Variants in ZNF572 observed in about 807,000 individuals in gnomAD.
The protein encoded by ZNF572 is zinc finger protein 572.
Under a neutral mutation model 3.8 loss-of-function variants are expected in ZNF572, and 2 were observed. The ratio of observed to expected loss-of-function variants is 0.52; its 90% CI spans 0.21 to 1.65. The LOEUF (loss-of-function observed/expected upper bound fraction) is 1.65, where lower values mean the gene tolerates loss of function less well. Ranked by LOEUF, ZNF572 falls within the 40% of genes most tolerant of loss-of-function variation. The probability of loss-of-function intolerance (pLI) is 0.20; values close to 1 mark genes in which losing one functional copy is unlikely to be tolerated. For missense variants in ZNF572, 581 were observed against 633.4 expected (o/e 0.92, Z 0.89); for synonymous variants, 187 against 204.5 (o/e 0.91, Z 0.73).
At position 124,977,316 on chromosome 8, in the gene ZNF572, C is replaced by T. The variant is rs374083749; in HGVS notation, c.1048C>T (p.His350Tyr). The T allele has an allele frequency of 1.2e-6, 2 of 1,614,156 alleles. No homozygotes were observed. Among genetic ancestry groups the T allele is most frequent in the Admixed American group, 3.3e-5 (2 of 60,020 alleles). ...AAACCTTATTACACACCAGAAAATG[C>T]ACACAGGAGAGAAATCCTATGAAAG... ...SSNLITHQKM[H>Y]TGEKSYESSE... is the part of the protein sequence containing the mutation. The change falls in exon 3 of 3, where the codon CAC becomes TAC. Residue 350 changes from histidine to tyrosine, a missense_variant. His to Tyr is a moderately conservative substitution (Grantham distance 83). Coordinates refer to ENST00000319286, the MANE Select transcript of ZNF572 (RefSeq NM_152412.3).
chr8:124,976,737 G>T lies in ZNF572; in HGVS notation c.469G>T (p.Glu157Ter), dbSNP rs1217950903. 6.2e-7 allele frequency: 1 copy of T among 1,614,090 alleles called. No homozygotes were observed. Among genetic ancestry groups the T allele is most frequent in the African/African-American group, 1.3e-5 (1 of 74,950 alleles). The change falls in exon 3 of 3, where the codon GAA becomes TAA. Residue 157 changes from glutamate (E) to a stop codon, truncating the protein, a stop_gained. Transcript: ENST00000319286. LOFTEE classifies it low-confidence loss of function (END_TRUNC). The part of the protein sequence containing the change: ...LRTHQRTHSG[E>*]KPYKCSECAK... ...TACTCACCAGAGGACCCACTCAGGA[G>T]AAAAGCCTTATAAATGCTCTGAGTG...
intron 1 of ZNF572, among the ~76,000 whole-genome samples, chr8:124,973,863 G>A (rs1814469546): frequency 6.6e-6 from 1 of 152,184 alleles, no homozygotes; most frequent in Admixed American, 6.5e-5. Flanking sequence ...CTCCTTTGCT[G>A]CCAAATTTAA....
Position 124,977,462 on chromosome 8 carries a change from T to C in ZNF572, c.1194T>C (p.His398=), listed in dbSNP as rs1814524296. 2 of 1,614,010 alleles carry C rather than the reference T, an allele frequency of 1.2e-6. No homozygotes were observed. Among genetic ancestry groups the C allele is most frequent in the Non-Finnish European group, 1.7e-6 (2 of 1,180,026 alleles). ...GGAAGAGTTTTGGCCTTAGCTCCCA[T>C]CTCATTAGACATCAGAGAACACATA... ...ECGKSFGLSS[H]LIRHQRTHTG... is the part of the protein sequence containing the mutation. Residue 398 remains histidine, a synonymous_variant, in exon 3 of 3, where the codon CAT becomes CAC. Transcript: ENST00000319286.
In ZNF572 at chr8:124,976,467, G is replaced by A. The variant is rs1814507212; in HGVS notation, c.199G>A (p.Asp67Asn). 1 of 1,614,134 alleles carries A rather than the reference G, an allele frequency of 6.2e-7. No homozygotes were observed. Among genetic ancestry groups the A allele is most frequent in the Non-Finnish European group, 8.5e-7 (1 of 1,180,008 alleles). ...TAGACCACAACATTATAAGCATGAGGATGCAAAAGAAATGCCACTGACATG... is the reference window on the plus strand; with the variant it reads ...TAGACCACAACATTATAAGCATGAGAATGCAAAAGAAATGCCACTGACATG... ...RHRPQHYKHE[D>N]AKEMPLTWVQ... is the part of the protein sequence containing the mutation. Residue 67 changes from aspartate (D) to asparagine (N), a missense_variant, in exon 3 of 3, where the codon GAT (aspartate) becomes AAT (asparagine). Physicochemically the swap from Asp to Asn is conservative, Grantham distance 23. Coordinates refer to ENST00000319286, the MANE Select transcript of ZNF572 (RefSeq NM_152412.3).
In ZNF572 at chr8:124,976,625, C is replaced by A. The variant is rs1287616068; in HGVS notation, c.357C>A (p.Ala119=). Residue 119 remains alanine (A), a synonymous_variant, in exon 3 of 3, where the codon GCC becomes GCA. Transcript: ENST00000319286. ...QEWDSGEHTN[A]CVQQNSSFVD... Reference sequence around the variant, plus strand: ...GGGACTCAGGAGAACATACCAATGCCTGTGTCCAGCAGAATTCATCCTTTG... The same window carrying A: ...GGGACTCAGGAGAACATACCAATGCATGTGTCCAGCAGAATTCATCCTTTG... 1 of 1,614,040 alleles carries A rather than the reference C, an allele frequency of 6.2e-7. No individual in the cohort carries two copies. The highest frequency in any genetic ancestry group is 1.3e-5 in the African/African-American group (1 of 74,908).
chr8:124,977,763 G>A lies in ZNF572; in HGVS notation c.1495G>A (p.Asp499Asn), dbSNP rs1357832629. The change falls in exon 3 of 3, where the codon GAC becomes AAC. Residue 499 changes from aspartate (D) to asparagine (N), a missense_variant. By Grantham distance (23) the Asp-to-Asn change is conservative. Coordinates refer to ENST00000319286, the MANE Select transcript of ZNF572 (RefSeq NM_152412.3). ...IHVEKPFESP[D>N]VGDFPHEWTW... ...CGTAGAAAAGCCTTTTGAGTCTCCC[G>A]ACGTTGGGGATTTTCCTCATGAATG... 11 of 1,614,152 alleles carry A rather than the reference G, an allele frequency of 6.8e-6. No homozygotes were observed. The highest frequency in any genetic ancestry group is 1.6e-4 in the Middle Eastern group (1 of 6,062).
At position 124,975,961 on chromosome 8, in the gene ZNF572, T is replaced by A. The variant is rs572193147; in HGVS notation, c.79+242T>A. On this transcript the variant is annotated intron_variant, in intron 2 of 2. Transcript: ENST00000319286. ...CTTAATAAATAGTGGCTATTGTTATTTCTATAGCATTTGCTCAGATTTTAG... is the reference window on the plus strand; with the variant it reads ...CTTAATAAATAGTGGCTATTGTTATATCTATAGCATTTGCTCAGATTTTAG... Among the ~76,000 whole-genome samples the A allele has an allele frequency of 3.3e-5, 5 of 152,376 alleles. No homozygotes were observed. In the East Asian group the frequency reaches 9.6e-4, roughly 29 times the overall value.
chr8:124,977,041 T>C lies in ZNF572; in HGVS notation c.773T>C (p.Val258Ala), dbSNP rs1814517245. 6.2e-7 allele frequency: 1 copy of C among 1,613,222 alleles called. No individual in the cohort carries two copies. The highest frequency in any genetic ancestry group is 1.7e-5 in the Admixed American group (1 of 59,988). ...GGAAAAGGCTTCAGTCACAGCTATG[T>C]CCTAATAGAACATCAGAGGACTCAC... ...VCGKGFSHSY[V>A]LIEHQRTHTG... is the part of the protein sequence containing the mutation. The change falls in exon 3 of 3, where the codon GTC (valine) becomes GCC (alanine). Residue 258 changes from valine to alanine, a missense_variant. By Grantham distance (64) the Val-to-Ala change is moderately conservative. Coordinates refer to ENST00000319286, the MANE Select transcript of ZNF572 (RefSeq NM_152412.3).
intron 1 of ZNF572, among the ~76,000 whole-genome samples, chr8:124,975,159 C>G (rs923836969): frequency 6.6e-6 from 1 of 152,152 alleles, no homozygotes; most frequent in Non-Finnish European, 1.5e-5. Context: ...AGGTTTCCTT[C>G]TGTCAAGACC....
chr8:124,976,769 A>G lies in ZNF572; in HGVS notation c.501A>G (p.Lys167=), dbSNP rs148492407. 24 of 1,614,064 alleles carry G rather than the reference A, an allele frequency of 1.5e-5. No individual in the cohort carries two copies. The African/African-American group carries it at 3.2e-4, about 22-fold the overall frequency. ...EKPYKCSECA[K]CFCNSSHLIQ... ...CTTATAAATGCTCTGAGTGTGCAAA[A>G]TGTTTTTGTAACAGTTCTCACCTGA... The change falls in exon 3 of 3, where the codon AAA becomes AAG. Residue 167 remains lysine, a synonymous_variant. Transcript: ENST00000319286.
rs529201328 is a variant in ZNF572, at chr8:124,979,160, T to A, written c.*1302T>A. 1.3e-5 allele frequency: 2 copies of A among 152,728 alleles called. No homozygotes were observed. The highest frequency in any genetic ancestry group is 4.1e-4 in the South Asian group (2 of 4,826). 9.5% of individuals were successfully genotyped at this position (152,728 alleles called of 1,614,324 possible). A position where few individuals can be genotyped will look rare whatever the true frequency, so the allele number is the denominator to read the frequency against. On this transcript the variant is annotated 3_prime_UTR_variant, in exon 3 of 3. Transcript: ENST00000319286. ...TGAGTTGCCCATGATTTCATCTAAT[T>A]TTTGGATTCAGAATGTATTTTATGA...
At position 124,977,595 on chromosome 8, in the gene ZNF572, C is replaced by T. The variant is rs867462791; in HGVS notation, c.1327C>T (p.Pro443Ser). The T allele has an allele frequency of 6.2e-7, 1 of 1,614,182 alleles. No individual in the cohort carries two copies. Among genetic ancestry groups the T allele is most frequent in the South Asian group, 1.1e-5 (1 of 91,080 alleles). ...THTGEKPYKC[P>S]DCGESFSQSF... ...TACAGGAGAGAAACCTTATAAATGT[C>T]CTGATTGTGGTGAAAGCTTCAGTCA... is the stretch of plus-strand genomic sequence containing the variant. The change falls in exon 3 of 3, where the codon CCT (proline) becomes TCT (serine). Residue 443 changes from proline to serine, a missense_variant. Physicochemically the swap from Pro to Ser is moderately conservative, Grantham distance 74. Transcript: ENST00000319286.
chr8:124,975,691 G>A lies in ZNF572; in HGVS notation c.51G>A (p.Glu17=). ...TCTCAGATTCTAACAGCTTTATGGA[G>A]AGGGAGAGTTTGAAAAGCCCTTTCA... is the stretch of plus-strand genomic sequence containing the variant. ...LLVSDSNSFM[E]RESLKSPFTG... The change falls in exon 2 of 3, where the codon GAG becomes GAA. Residue 17 remains glutamate, a synonymous_variant. Transcript: ENST00000319286. 6.2e-7 allele frequency: 1 copy of A among 1,613,976 alleles called. No homozygotes were observed. Among genetic ancestry groups the A allele is most frequent in the Non-Finnish European group, 8.5e-7 (1 of 1,179,914 alleles).
chr8:124,975,130 C>G (rs557902785), intron 1 of ZNF572, among the ~76,000 whole-genome samples: 13 of 152,280 alleles, frequency 8.5e-5, no homozygotes, highest in African/African-American at 3.1e-4. Flanking sequence ...TCCTAACTTT[C>G]CTTTGAAATT....
rs10104558 is a variant in ZNF572, at chr8:124,977,218, A to C, written c.950A>C (p.Lys317Thr). 49,710 of 1,612,586 alleles carry C rather than the reference A, an allele frequency of 0.031. 853 individuals are homozygous for C. The highest frequency in any genetic ancestry group is 0.05 in the Middle Eastern group (306 of 6,060). ...KSFGCNSTLI[K>T]HQRIHTGEKP... ...TTTGGTTGTAATTCTACTCTAATAA[A>C]ACATCAGAGAATACATACAGGAGAA... Residue 317 changes from lysine (K) to threonine (T), a missense_variant, in exon 3 of 3, where the codon AAA (lysine) becomes ACA (threonine). Transcript: ENST00000319286.
chr8:124,976,392 T>A lies in ZNF572; in HGVS notation c.124T>A (p.Ser42Thr), dbSNP rs1158920446. 6.2e-7 allele frequency: 1 copy of A among 1,610,136 alleles called. No homozygotes were observed. Among genetic ancestry groups the A allele is most frequent in the Admixed American group, 1.7e-5 (1 of 59,440 alleles). The stretch of plus-strand genomic sequence containing the variant: ...TTTGGAAACTGTTCACCACAATAAT[T>A]CTAAGGCAGATAAACTTAAAGAGAA... ...NNLETVHHNN[S>T]KADKLKEKPS... The change falls in exon 3 of 3, where the codon TCT becomes ACT. Residue 42 changes from serine to threonine, a missense_variant. Physicochemically the swap from Ser to Thr is moderately conservative, Grantham distance 58. Transcript: ENST00000319286.
rs1208038469 is a variant in ZNF572, at chr8:124,978,984, T to C, written c.*1126T>C. The C allele has an allele frequency of 6.6e-6, 1 of 152,208 alleles. No homozygotes were observed. The highest frequency in any genetic ancestry group is 6.5e-5 in the Admixed American group (1 of 15,286). The allele number at this position is 152,208 out of a possible 1,614,324, so 9.4% of individuals were successfully genotyped here. A position where few individuals can be genotyped will look rare whatever the true frequency, so the allele number is the denominator to read the frequency against. ...AGTTTTCTTTTGCCTCTTGACATAA[T>C]TGGTATATGGATCTGATAACTGAGG... is the stretch of plus-strand genomic sequence containing the variant. On this transcript the variant is annotated 3_prime_UTR_variant, in exon 3 of 3. Transcript: ENST00000319286.
chr8:124,978,032 T>C lies in ZNF572; in HGVS notation c.*174T>C, dbSNP rs1301607896. 6 of 677,786 alleles carry C rather than the reference T, an allele frequency of 8.9e-6. No individual in the cohort carries two copies. Among genetic ancestry groups the C allele is most frequent in the Non-Finnish European group, 1.4e-5 (6 of 417,424 alleles). The allele number at this position is 677,786 out of a possible 1,614,324, so 42.0% of individuals were successfully genotyped here. On this transcript the variant is annotated 3_prime_UTR_variant, in exon 3 of 3. Coordinates refer to ENST00000319286, the MANE Select transcript of ZNF572 (RefSeq NM_152412.3). The stretch of plus-strand genomic sequence containing the variant: ...ACCCCAATCACCAGGTTATTGGATC[T>C]GTCCAGTGAGAGATTCATCCACCAA...
rs1264786054 is a variant in ZNF572 at position 124,977,026 on chromosome 8, T to G, written c.758T>G (p.Phe253Cys). 6.2e-7 allele frequency: 1 copy of G among 1,613,686 alleles called. No homozygotes were observed. Among genetic ancestry groups the G allele is most frequent in the African/African-American group, 1.3e-5 (1 of 74,924 alleles). ...GAATGTTCTGTCTGCGGAAAAGGCT[T>G]CAGTCACAGCTATGTCCTAATAGAA... Reference protein sequence around the residue: ...PYECSVCGKGFSHSYVLIEHQ... With the variant: ...PYECSVCGKGCSHSYVLIEHQ... The change falls in exon 3 of 3, where the codon TTC becomes TGC. Residue 253 changes from phenylalanine (F) to cysteine (C), a missense_variant. By Grantham distance (205) the Phe-to-Cys change is radical. Coordinates refer to ENST00000319286, the MANE Select transcript of ZNF572 (RefSeq NM_152412.3).
Sources: allele counts gnomAD v4.1 joint callset (sites outside exome capture counted in the v4.1 genomes callset), GRCh38; gene constraint gnomAD v4.1.1; transcripts MANE v1.5; gene names NCBI Gene and HGNC (gene_info 2026-07-23, HGNC 2026-07-21).